ERBB4: variants seen among roughly 807,000 people sequenced by gnomAD.
ERBB4 encodes the protein receptor tyrosine-protein kinase erbB-4.
Under a neutral mutation model 158.0 loss-of-function variants are expected in ERBB4, and 42 were observed. The ratio of observed to expected loss-of-function variants is 0.27; its 90% CI spans 0.21 to 0.34. The LOEUF (loss-of-function observed/expected upper bound fraction) is 0.34. Ranked by LOEUF, ERBB4 falls within the 10% of genes least tolerant of loss-of-function variation. The pLI, the probability that ERBB4 is intolerant of heterozygous loss-of-function variation, is 1.00. For synonymous variants in ERBB4, 583 were observed against 558.7 expected, an observed-to-expected ratio of 1.04 and a Z score of -0.61; for missense variants, 1,333 against 1,624.1, an observed-to-expected ratio of 0.82 and a Z score of 3.08.
Position 211,667,982 on chromosome 2 carries a change from G to A in ERBB4, c.1717-2505C>T, listed in dbSNP as rs146306587. On this transcript the variant is annotated intron_variant, in intron 14 of 27. Coordinates refer to ENST00000342788, the MANE Select transcript of ERBB4 (RefSeq NM_005235.3). ...CATTAGGTGATTTCATCATTGCGCAGATATCACATAGTGTACCTACACAAA... is the reference window on the plus strand; with the variant it reads ...CATTAGGTGATTTCATCATTGCGCAAATATCACATAGTGTACCTACACAAA... Among the ~76,000 whole-genome samples, 7 of 152,208 alleles carry A rather than the reference G, an allele frequency of 4.6e-5. No individual in the cohort carries two copies. The East Asian group carries it at 1.4e-3, about 29-fold the overall frequency.
chr2:211,822,984 T>C (rs1477475765), intron 3 of ERBB4, among the ~76,000 whole-genome samples: 3 of 152,100 alleles, frequency 2.0e-5, no homozygotes, highest in Non-Finnish European at 4.4e-5. Context: ...ACCATCATCA[T>C]GGGAAGAACT....
At chr2:211,911,769 T>C (rs74337458) in intron 3 of ERBB4, among the ~76,000 whole-genome samples, 2,181 of 151,606 alleles carry the variant, frequency 0.014, 47 homozygotes, top group African/African-American at 0.049. Flanking sequence ...AATGGGGAGA[T>C]GATAATCAAA....
At chr2:211,412,910 C>T (rs905841993) in intron 25 of ERBB4, among the ~76,000 whole-genome samples, 2 of 148,414 alleles carry the variant, frequency 1.3e-5, no homozygotes, top group Non-Finnish European at 3.0e-5. Flanking sequence ...GCCGAGATCG[C>T]TCCACTGCAC....
intron 1 of ERBB4, among the ~76,000 whole-genome samples, chr2:212,359,079 A>G (rs2089580218): frequency 6.6e-6 from 1 of 151,720 alleles, no homozygotes; most frequent in South Asian, 2.1e-4. Flanking sequence ...GCAACATCAT[A>G]TTTTGCCACA....
chr2:212,034,683 A>T (rs760890827), intron 2 of ERBB4, among the ~76,000 whole-genome samples: 3 of 152,124 alleles, frequency 2.0e-5, no homozygotes, highest in Non-Finnish European at 2.9e-5. Context: ...AAACAGCTTT[A>T]GTTTAACAAA....
At chr2:212,346,727 G>C (rs898074837) in intron 1 of ERBB4, among the ~76,000 whole-genome samples, 11 of 151,900 alleles carry the variant, frequency 7.2e-5, no homozygotes, top group African/African-American at 2.7e-4. Context: ...AACTTTTCTA[G>C]ATCTATCACA....
At chr2:212,377,115 T>G (rs1025898235) in intron 1 of ERBB4, among the ~76,000 whole-genome samples, 8 of 151,426 alleles carry the variant, frequency 5.3e-5, no homozygotes, top group African/African-American at 1.2e-4. Flanking sequence ...CCTTGTAATA[T>G]ATAGCTCTTA....
chr2:212,240,895 C>A (rs567585722), intron 1 of ERBB4, among the ~76,000 whole-genome samples: 1 of 151,900 alleles, frequency 6.6e-6, no homozygotes, highest in Non-Finnish European at 1.5e-5. Context: ...TATTAGTCTG[C>A]CTCTTGTTAT....
At chr2:211,675,780 TA>T (rs981548471) in intron 13 of ERBB4, among the ~76,000 whole-genome samples, 5 of 82,532 alleles carry the variant, frequency 6.1e-5, no homozygotes, top group African/African-American at 1.2e-4. Flanking sequence ...AATATATATA[TA>T]AAATATAATA....
chr2:211,854,466 T>C (rs550569410), intron 3 of ERBB4, among the ~76,000 whole-genome samples: 1 of 152,238 alleles, frequency 6.6e-6, no homozygotes, highest in South Asian at 2.1e-4. Flanking sequence ...TGAGTTCCTT[T>C]TGTGTCCCTT....
intron 1 of ERBB4, among the ~76,000 whole-genome samples, chr2:212,467,768 C>T (rs921562810): frequency 2.0e-5 from 3 of 152,272 alleles, no homozygotes; most frequent in South Asian, 2.1e-4. Context: ...AGAGGGCCAC[C>T]GTCCTCCAGA....
intron 1 of ERBB4, among the ~76,000 whole-genome samples, chr2:212,348,571 T>C (rs1341601534): frequency 6.6e-6 from 1 of 152,124 alleles, no homozygotes; most frequent in African/African-American, 2.4e-5. Flanking sequence ...GAACATCTGT[T>C]ATAGAATGTG....
chr2:211,623,566 G>A (rs180934687), intron 18 of ERBB4, among the ~76,000 whole-genome samples: 2 of 152,270 alleles, frequency 1.3e-5, no homozygotes, highest in East Asian at 3.9e-4. Flanking sequence ...CATGTCTGGG[G>A]TTCATGGAGC....
intron 2 of ERBB4, among the ~76,000 whole-genome samples, chr2:211,994,138 T>A (rs1243453750): frequency 6.6e-6 from 1 of 152,070 alleles, no homozygotes; most frequent in Non-Finnish European, 1.5e-5. Flanking sequence ...CATCTATCTA[T>A]CTGTCTATCA....
intron 1 of ERBB4, among the ~76,000 whole-genome samples, chr2:212,265,975 C>T (rs1415870872): frequency 6.6e-6 from 1 of 151,928 alleles, no homozygotes; most frequent in African/African-American, 2.4e-5. Context: ...CTAATCGGTC[C>T]CCACAGACCT....
At chr2:211,494,170 T>G (rs2065412866) in intron 20 of ERBB4, among the ~76,000 whole-genome samples, 1 of 152,010 alleles carries the variant, frequency 6.6e-6, no homozygotes, top group African/African-American at 2.4e-5. Context: ...GCCCAGCTAA[T>G]TTTTGTATTT....
At chr2:212,052,766 T>G (rs1407042363) in intron 2 of ERBB4, among the ~76,000 whole-genome samples, 2 of 152,210 alleles carry the variant, frequency 1.3e-5, no homozygotes, top group African/African-American at 4.8e-5. Flanking sequence ...TCCTCATTCA[T>G]TATTACTACT....
intron 20 of ERBB4, among the ~76,000 whole-genome samples, chr2:211,508,046 G>A (rs2065794364): frequency 6.6e-6 from 1 of 152,020 alleles, no homozygotes; most frequent in African/African-American, 2.4e-5. Context: ...AGAAAACCTA[G>A]GCAATACCAT....
At chr2:211,505,671 T>C (rs1195540440) in intron 20 of ERBB4, among the ~76,000 whole-genome samples, 3 of 152,084 alleles carry the variant, frequency 2.0e-5, no homozygotes, top group African/African-American at 7.2e-5. Context: ...TTAAAAGTTA[T>C]AGACAGGGGC....
Sources: allele counts gnomAD v4.1 joint callset (sites outside exome capture counted in the v4.1 genomes callset), GRCh38; gene constraint gnomAD v4.1.1; transcripts MANE v1.5; gene names NCBI Gene and HGNC (gene_info 2026-07-23, HGNC 2026-07-21).